Variants in KCNIP4 observed in about 807,000 individuals in gnomAD.
KCNIP4 encodes Kv channel-interacting protein 4.
Under a neutral mutation model 34.0 loss-of-function variants are expected in KCNIP4, and 12 were observed. That is an observed-to-expected ratio of 0.35 (90% CI 0.23 to 0.57). KCNIP4 has a LOEUF of 0.57. Among genes scored for constraint, KCNIP4 ranks in the 20% least tolerant of loss-of-function variants. KCNIP4 has a pLI of 0.83. For missense variants in KCNIP4, 238 were observed against 311.7 expected, an observed-to-expected ratio of 0.76 and a Z score of 1.78; for synonymous variants, 124 against 102.2, an observed-to-expected ratio of 1.21 and a Z score of -1.29.
At chr4:21,757,203 GAAAGAAA>G (rs1560691488) in intron 1 of KCNIP4, among the ~76,000 whole-genome samples, 109 of 18,008 alleles carry the variant, frequency 6.1e-3, no homozygotes, top group Admixed American at 0.018. Flanking sequence ...AGGAAGGAAA[GAAAGAAA>G]GAAAGAAAGA....
At chr4:21,806,055 C>T (rs1198480385) in intron 1 of KCNIP4, among the ~76,000 whole-genome samples, 1 of 152,162 alleles carries the variant, frequency 6.6e-6, no homozygotes, top group Non-Finnish European at 1.5e-5. Flanking sequence ...AAATAGGAGA[C>T]AAGTGACACT....
chr4:21,324,754 T>C (rs34165227), intron 1 of KCNIP4, among the ~76,000 whole-genome samples: 16,687 of 151,472 alleles, frequency 0.11, 944 homozygotes, highest in South Asian at 0.16. Context: ...CTTTTGTGGT[T>C]CCACATAAAT....
chr4:21,583,729 A>C (rs1332071530), intron 1 of KCNIP4, among the ~76,000 whole-genome samples: 1 of 152,048 alleles, frequency 6.6e-6, no homozygotes, highest in Non-Finnish European at 1.5e-5. Context: ...CTGAGTTCCA[A>C]GCAGGGAAGA....
chr4:21,797,079 T>C lies in KCNIP4; in HGVS notation c.61+151492A>G, dbSNP rs529082456. ...CAGCCTTCCCTTCTTCTCAACTGCA[T>C]CCTTTGATCAACACTACCCACAATT... On this transcript the variant is annotated intron_variant, in intron 1 of 8. Transcript: ENST00000382152. 3.9e-5 allele frequency among the ~76,000 whole-genome samples: 6 copies of C among 152,262 alleles called. No homozygotes were observed. In the East Asian group the frequency reaches 1.2e-3, roughly 29 times the overall value.
chr4:21,545,810 T>A (rs1738107939), intron 1 of KCNIP4, among the ~76,000 whole-genome samples: 1 of 152,176 alleles, frequency 6.6e-6, no homozygotes, highest in East Asian at 1.9e-4. Context: ...TGGTTCCAAG[T>A]CTTTGCTATT....
intron 1 of KCNIP4, among the ~76,000 whole-genome samples, chr4:21,408,461 G>A (rs1724199294): frequency 6.6e-6 from 1 of 152,192 alleles, no homozygotes; most frequent in Non-Finnish European, 1.5e-5. Flanking sequence ...GATTTTGAGA[G>A]AGAGTTTCAG....
intron 1 of KCNIP4, among the ~76,000 whole-genome samples, chr4:20,900,149 A>G (rs1727010411): frequency 1.3e-5 from 2 of 152,174 alleles, no homozygotes; most frequent in African/African-American, 4.8e-5. Context: ...TGAATCTATC[A>G]GATTCTCCAG....
chr4:21,863,556 G>A (rs1187231829), intron 1 of KCNIP4, among the ~76,000 whole-genome samples: 1 of 152,118 alleles, frequency 6.6e-6, no homozygotes, highest in Non-Finnish European at 1.5e-5. Flanking sequence ...TCTGAGGAAG[G>A]AAGAGAGGCA....
intron 1 of KCNIP4, among the ~76,000 whole-genome samples, chr4:21,756,608 T>C (rs566830127): frequency 2.0e-4 from 30 of 151,826 alleles, no homozygotes; most frequent in African/African-American, 7.2e-4. Context: ...GCAGCCTCTC[T>C]CTTTCTCAGA....
chr4:20,779,101 A>T (rs1318278330), intron 3 of KCNIP4, among the ~76,000 whole-genome samples: 3 of 152,130 alleles, frequency 2.0e-5, no homozygotes, highest in Non-Finnish European at 4.4e-5. Flanking sequence ...CTTTTCTTTT[A>T]TACAGGAAGA....
chr4:21,113,368 T>G (rs776175331), intron 1 of KCNIP4, among the ~76,000 whole-genome samples: 121 of 148,124 alleles, frequency 8.2e-4, no homozygotes, highest in Non-Finnish European at 1.6e-3. Flanking sequence ...ATGATTCCCC[T>G]CCTGTCACTT....
At chr4:21,180,223 TAAAC>T (rs978600744) in intron 1 of KCNIP4, among the ~76,000 whole-genome samples, 3 of 152,098 alleles carry the variant, frequency 2.0e-5, no homozygotes, top group Admixed American at 6.6e-5. Context: ...CCAAAATCCA[TAAAC>T]AAACACAAAA....
intron 1 of KCNIP4, among the ~76,000 whole-genome samples, chr4:21,885,782 T>C (rs186439828): frequency 3.7e-4 from 57 of 152,270 alleles, no homozygotes; most frequent in Non-Finnish European, 6.5e-4. Context: ...TTGTGGAAAG[T>C]ACTAAGAATA....
chr4:21,887,273 C>T (rs2109394831), intron 1 of KCNIP4, among the ~76,000 whole-genome samples: 1 of 152,136 alleles, frequency 6.6e-6, no homozygotes, highest in Middle Eastern at 3.4e-3. Context: ...AGGGTTCCAG[C>T]ACGGTCAGGT....
At chr4:21,029,681 C>A (rs529030414) in intron 1 of KCNIP4, among the ~76,000 whole-genome samples, 1 of 152,304 alleles carries the variant, frequency 6.6e-6, no homozygotes, top group Admixed American at 6.5e-5. Flanking sequence ...TTGTTGGACA[C>A]TACTTGACTC....
intron 1 of KCNIP4, among the ~76,000 whole-genome samples, chr4:20,934,410 A>C (rs577137634): frequency 9.2e-5 from 14 of 152,140 alleles, no homozygotes; most frequent in Non-Finnish European, 2.1e-4. Flanking sequence ...GTGCCACTGG[A>C]GACTATTCTT....
At chr4:21,757,127 GAA>G (rs1435130923) in intron 1 of KCNIP4, among the ~76,000 whole-genome samples, 1 of 26,446 alleles carries the variant, frequency 3.8e-5, no homozygotes, top group Non-Finnish European at 7.9e-5. Flanking sequence ...AAGAAAGAAA[GAA>G]AGAAAGAAAG....
intron 1 of KCNIP4, among the ~76,000 whole-genome samples, chr4:21,663,594 T>C (rs1056317789): frequency 6.6e-6 from 1 of 152,180 alleles, no homozygotes; most frequent in South Asian, 2.1e-4. Flanking sequence ...ACACAGGCCT[T>C]GAACCTGTGA....
chr4:20,956,911 G>A (rs550854892), intron 1 of KCNIP4, among the ~76,000 whole-genome samples: 4 of 152,098 alleles, frequency 2.6e-5, no homozygotes, highest in Non-Finnish European at 5.9e-5. Context: ...CATTTGCATA[G>A]CATCTATTAT....
Sources: gnomAD v4.1 joint callset for allele counts (sites outside exome capture counted in the v4.1 genomes callset) on GRCh38, gnomAD v4.1.1 for gene constraint, MANE v1.5 for transcripts, NCBI Gene and HGNC (gene_info 2026-07-23, HGNC 2026-07-21) for gene names.